CSMD1: variants seen among roughly 807,000 people sequenced by gnomAD.
CSMD1 encodes the protein CUB and Sushi multiple domains 1, also known as CUB and sushi domain-containing protein 1.
Under a neutral mutation model 417.5 loss-of-function variants are expected in CSMD1, and 213 were observed. The observed-to-expected ratio is 0.51, with a 90% CI of 0.46 to 0.57. The LOEUF (loss-of-function observed/expected upper bound fraction) is 0.57, where lower values mean the gene tolerates loss of function less well. CSMD1 is among the 20% of genes least tolerant of loss of function. CSMD1 has a pLI of 0.00. For missense variants in CSMD1, 6,923 were observed against 4,529.7 expected, an observed-to-expected ratio of 1.53 and a Z score of -15.17; for synonymous variants, 2,862 against 1,736.8, an observed-to-expected ratio of 1.65 and a Z score of -16.11.
chr8:3,227,525 G>C (rs751329524), intron 27 of CSMD1, among the ~76,000 whole-genome samples: 6 of 152,088 alleles, frequency 3.9e-5, no homozygotes, highest in African/African-American at 7.2e-5. Context: ...CTTCAGAATA[G>C]GGAAAAGGTT....
intron 25 of CSMD1, among the ~76,000 whole-genome samples, chr8:3,304,712 A>G (rs896919219): frequency 1.2e-5 from 1 of 84,680 alleles, no homozygotes; most frequent in Non-Finnish European, 2.4e-5. Context: ...TTTTATTCAA[A>G]TATTTTTTTA....
chr8:3,355,827 T>C (rs13254380), intron 21 of CSMD1, among the ~76,000 whole-genome samples: 57,798 of 151,942 alleles, frequency 0.38, 11,063 homozygotes, highest in Admixed American at 0.44. Context: ...TTTTCTCTAA[T>C]TTGCAAGTGA....
At position 4,421,160 on chromosome 8, in the gene CSMD1, C is replaced by T. The variant is rs186753593; in HGVS notation, c.303-1095G>A. Among the ~76,000 whole-genome samples, 680 of 152,150 alleles carry T rather than the reference C, an allele frequency of 4.5e-3. 1 individual carries two copies. The highest frequency in any genetic ancestry group is 0.01 in the Middle Eastern group (3 of 294). On this transcript the variant is annotated intron_variant, in intron 2 of 69. Coordinates refer to ENST00000635120, the MANE Select transcript of CSMD1 (RefSeq NM_033225.6). ...ATGGAAAAAGAAACCATTGTCATAC[C>T]AGAAGACACTGCTTTGTACTTTATG...
At chr8:4,620,777 C>A (rs1301850224) in intron 2 of CSMD1, among the ~76,000 whole-genome samples, 1 of 151,594 alleles carries the variant, frequency 6.6e-6, no homozygotes, top group Non-Finnish European at 1.5e-5. Context: ...ATAGCATTAA[C>A]TACTTATTTA....
At chr8:4,386,729 G>C (rs936846803) in intron 3 of CSMD1, among the ~76,000 whole-genome samples, 1 of 152,204 alleles carries the variant, frequency 6.6e-6, no homozygotes, top group Non-Finnish European at 1.5e-5. Context: ...ATAGCTGGCA[G>C]AGAAGTGCTA....
chr8:3,876,209 T>A (rs1287713117), intron 5 of CSMD1, among the ~76,000 whole-genome samples: 1 of 152,170 alleles, frequency 6.6e-6, no homozygotes, highest in African/African-American at 2.4e-5. Flanking sequence ...AGGGGAAAAC[T>A]CCTCTCACCC....
At chr8:3,659,928 T>C (rs1000604989) in intron 7 of CSMD1, among the ~76,000 whole-genome samples, 1 of 152,164 alleles carries the variant, frequency 6.6e-6, no homozygotes, top group African/African-American at 2.4e-5. Flanking sequence ...ATATCTTCAT[T>C]GTGTAATCTA....
intron 1 of CSMD1, among the ~76,000 whole-genome samples, chr8:4,983,181 C>G (rs1364094884): frequency 6.6e-6 from 1 of 152,120 alleles, no homozygotes; most frequent in Non-Finnish European, 1.5e-5. Context: ...GGTTTCAAAG[C>G]TAATTATGTT....
At chr8:3,925,516 C>T (rs758437084) in intron 5 of CSMD1, among the ~76,000 whole-genome samples, 26 of 152,116 alleles carry the variant, frequency 1.7e-4, no homozygotes, top group East Asian at 3.9e-4. Flanking sequence ...GGCTGGGTCC[C>T]CACTCAAAAC....
chr8:4,464,038 G>C (rs1037442507), intron 2 of CSMD1, among the ~76,000 whole-genome samples: 1 of 151,238 alleles, frequency 6.6e-6, no homozygotes, highest in African/African-American at 2.4e-5. Flanking sequence ...TTCAGTTTAC[G>C]AATTAAAAAA....
At chr8:3,878,849 C>T (rs1175515208) in intron 5 of CSMD1, among the ~76,000 whole-genome samples, 1 of 152,142 alleles carries the variant, frequency 6.6e-6, no homozygotes, top group Non-Finnish European at 1.5e-5. Flanking sequence ...GTGTCCTGGA[C>T]ACAAACCATA....
intron 1 of CSMD1, among the ~76,000 whole-genome samples, chr8:4,747,879 A>G (rs750906977): frequency 3.9e-5 from 6 of 152,220 alleles, no homozygotes; most frequent in Admixed American, 2.0e-4. Context: ...ACGCACCAGG[A>G]TATCTGTTGT....
intron 1 of CSMD1, among the ~76,000 whole-genome samples, chr8:4,893,401 T>A (rs748009264): frequency 3.3e-5 from 5 of 152,098 alleles, no homozygotes; most frequent in Non-Finnish European, 5.9e-5. Flanking sequence ...ATTTTTTTTC[T>A]TAATGTTTAT....
chr8:3,834,132 T>C (rs1802531817), intron 5 of CSMD1, among the ~76,000 whole-genome samples: 1 of 152,232 alleles, frequency 6.6e-6, no homozygotes, highest in African/African-American at 2.4e-5. Context: ...CTAATTGTCT[T>C]CAATTTTACT....
At chr8:3,799,947 G>A (rs773246247) in intron 5 of CSMD1, among the ~76,000 whole-genome samples, 8 of 152,164 alleles carry the variant, frequency 5.3e-5, no homozygotes, top group Non-Finnish European at 1.0e-4. Context: ...ATCAATAATG[G>A]AATAATGAAA....
intron 5 of CSMD1, among the ~76,000 whole-genome samples, chr8:3,895,652 C>T (rs1807308223): frequency 6.6e-6 from 1 of 152,162 alleles, no homozygotes; most frequent in Admixed American, 6.5e-5. Flanking sequence ...TAAATAATTA[C>T]TATATTTGAG....
intron 8 of CSMD1, among the ~76,000 whole-genome samples, chr8:3,586,596 T>C (rs1800612131): frequency 6.6e-6 from 1 of 152,138 alleles, no homozygotes; most frequent in Non-Finnish European, 1.5e-5. Flanking sequence ...GAAGAAATTT[T>C]GTACCCTGAA....
chr8:3,928,213 G>A (rs982110863), intron 5 of CSMD1, among the ~76,000 whole-genome samples: 1 of 152,116 alleles, frequency 6.6e-6, no homozygotes, highest in Non-Finnish European at 1.5e-5. Context: ...TAATAATACT[G>A]AAAGGAAAAT....
intron 1 of CSMD1, among the ~76,000 whole-genome samples, chr8:4,737,186 G>A (rs1195900354): frequency 2.6e-5 from 4 of 152,066 alleles, no homozygotes; most frequent in Non-Finnish European, 1.5e-5. Context: ...TCCTCTGCAG[G>A]GACATGGATG....
Sources: allele counts gnomAD v4.1 joint callset (sites outside exome capture counted in the v4.1 genomes callset), GRCh38; gene constraint gnomAD v4.1.1; transcripts MANE v1.5; gene names NCBI Gene and HGNC (gene_info 2026-07-23, HGNC 2026-07-21).